DPP10: variants seen among roughly 807,000 people sequenced by gnomAD.
DPP10 encodes dipeptidyl peptidase like 10.
In DPP10, 33 loss-of-function variants were observed where a neutral mutation model predicts 120.9. The observed-to-expected ratio is 0.27, with a 90% confidence interval of 0.21 to 0.37. The LOEUF (loss-of-function observed/expected upper bound fraction) is 0.37. Among genes scored for constraint, DPP10 ranks in the 10% least tolerant of loss-of-function variants. DPP10 has a pLI of 1.00. For synonymous variants in DPP10, 337 were observed against 326.1 expected, an observed-to-expected ratio of 1.03 and a Z score of -0.36; for missense variants, 816 against 942.8, an observed-to-expected ratio of 0.87 and a Z score of 1.76.
intron 3 of DPP10, among the ~76,000 whole-genome samples, chr2:115,349,616 G>T (rs1440437362): frequency 5.9e-5 from 9 of 151,968 alleles, no homozygotes; most frequent in Non-Finnish European, 7.4e-5. Flanking sequence ...ATATATGCAG[G>T]ATATTGAAGA....
At chr2:115,181,987 A>T (rs956479256) in intron 1 of DPP10, among the ~76,000 whole-genome samples, 1 of 152,250 alleles carries the variant, frequency 6.6e-6, no homozygotes, top group African/African-American at 2.4e-5. Context: ...GACAAGTTAT[A>T]ATTTATAGAA....
intron 1 of DPP10, among the ~76,000 whole-genome samples, chr2:114,462,873 CT>C (rs1679047120): frequency 6.6e-6 from 1 of 152,168 alleles, no homozygotes; most frequent in Non-Finnish European, 1.5e-5. Flanking sequence ...CCCCTGTTGA[CT>C]TTATTCAATC....
rs191119030 is a variant in DPP10 at position 115,771,372 on chromosome 2, C to A, written c.1221+2968C>A. 6.0e-3 allele frequency among the ~76,000 whole-genome samples: 919 copies of A among 152,164 alleles called. 21 individuals carry two copies. Among genetic ancestry groups the A allele is most frequent in the African/African-American group, 0.021 (881 of 41,524 alleles). On this transcript the variant is annotated intron_variant, in intron 13 of 25. Coordinates refer to ENST00000410059, the MANE Select transcript of DPP10 (RefSeq NM_020868.6). ...TACAGGCATAAGCCACCACGCCCGG[C>A]CTGTACTGTATTTAAATGATCCAAG...
chr2:115,412,744 T>C (rs2069054572), intron 3 of DPP10, among the ~76,000 whole-genome samples: 1 of 152,198 alleles, frequency 6.6e-6, no homozygotes, highest in Non-Finnish European at 1.5e-5. Flanking sequence ...CTTCACACAT[T>C]GTTTTTTAGA....
At chr2:115,619,003 C>T (rs2084734032) in intron 5 of DPP10, among the ~76,000 whole-genome samples, 1 of 150,478 alleles carries the variant, frequency 6.6e-6, no homozygotes, top group Non-Finnish European at 1.5e-5. Flanking sequence ...ATTCTTTGAA[C>T]TTCAGCTCAG....
intron 1 of DPP10, among the ~76,000 whole-genome samples, chr2:114,479,248 A>G (rs1015649547): frequency 6.6e-6 from 1 of 152,158 alleles, no homozygotes; most frequent in Non-Finnish European, 1.5e-5. Flanking sequence ...GCTTATTCTC[A>G]AATTTATATA....
At chr2:114,626,622 GT>G (rs1364872460) in intron 1 of DPP10, among the ~76,000 whole-genome samples, 2 of 152,034 alleles carry the variant, frequency 1.3e-5, no homozygotes, top group Non-Finnish European at 2.9e-5. Context: ...AGCAGATCTA[GT>G]TTGAGAATGA....
At chr2:114,963,880 G>T (rs958235163) in intron 1 of DPP10, among the ~76,000 whole-genome samples, 3 of 152,186 alleles carry the variant, frequency 2.0e-5, no homozygotes, top group Admixed American at 6.5e-5. Context: ...TAGAAGAGGA[G>T]TTTTCCAAGG....
At chr2:114,596,800 C>T (rs1412462534) in intron 1 of DPP10, among the ~76,000 whole-genome samples, 2 of 151,960 alleles carry the variant, frequency 1.3e-5, no homozygotes, top group Non-Finnish European at 2.9e-5. Flanking sequence ...TACAAATATG[C>T]CAAACTACCA....
chr2:115,220,039 T>G (rs2057055044), intron 1 of DPP10, among the ~76,000 whole-genome samples: 1 of 152,176 alleles, frequency 6.6e-6, no homozygotes, highest in Admixed American at 6.6e-5. Flanking sequence ...CTGTGATCTT[T>G]ATAAGGGTCA....
At chr2:115,672,680 C>CTCTTTT (rs2089983611) in intron 5 of DPP10, among the ~76,000 whole-genome samples, 1 of 113,264 alleles carries the variant, frequency 8.8e-6, no homozygotes, top group East Asian at 2.5e-4. Context: ...CTCTTTCTTT[C>CTCTTTT]TCTTTCTTTC....
intron 5 of DPP10, among the ~76,000 whole-genome samples, chr2:115,573,177 T>C (rs2081437768): frequency 6.6e-6 from 1 of 152,066 alleles, no homozygotes; most frequent in African/African-American, 2.4e-5. Flanking sequence ...TATAGTCATG[T>C]TATTGAACAG....
chr2:115,351,135 G>A (rs1245485017), intron 3 of DPP10, among the ~76,000 whole-genome samples: 1 of 152,056 alleles, frequency 6.6e-6, no homozygotes, highest in Non-Finnish European at 1.5e-5. Context: ...GCCCCAAAAT[G>A]TAGGAGCGGA....
intron 3 of DPP10, among the ~76,000 whole-genome samples, chr2:115,448,557 C>T (rs1318711471): frequency 6.6e-6 from 1 of 151,980 alleles, no homozygotes. Context: ...GTTTGTAAAA[C>T]TTGCTATATA....
chr2:115,500,673 T>C (rs1417056086), intron 4 of DPP10, among the ~76,000 whole-genome samples: 2 of 151,916 alleles, frequency 1.3e-5, no homozygotes, highest in East Asian at 3.9e-4. Context: ...AATAATGACA[T>C]TTTTGGTTTT....
rs576623092 is a variant in DPP10, at chr2:115,681,891, C to G, written c.442-7796C>G. 1.3e-4 allele frequency among the ~76,000 whole-genome samples: 20 copies of G among 151,226 alleles called. No homozygotes were observed. In the South Asian group the frequency reaches 4.2e-3, roughly 32 times the overall value. On this transcript the variant is annotated intron_variant, in intron 5 of 25. Coordinates refer to ENST00000410059, the MANE Select transcript of DPP10 (RefSeq NM_020868.6). ...AGGAAAACACAAGCTAAGATTTGATCCTATTGAAATGAAGACAACCTTTTC... is the reference window on the plus strand; with the variant it reads ...AGGAAAACACAAGCTAAGATTTGATGCTATTGAAATGAAGACAACCTTTTC...
chr2:115,800,956 T>C (rs554322135), intron 19 of DPP10, among the ~76,000 whole-genome samples: 4 of 152,266 alleles, frequency 2.6e-5, no homozygotes, highest in African/African-American at 9.6e-5. Context: ...AAGTAGTTTT[T>C]TCCAATTCTG....
chr2:115,593,419 C>T (rs1380142519), intron 5 of DPP10, among the ~76,000 whole-genome samples: 3 of 152,166 alleles, frequency 2.0e-5, no homozygotes, highest in African/African-American at 7.2e-5. Flanking sequence ...GAGAAATCCA[C>T]ACATCAGCAG....
intron 5 of DPP10, among the ~76,000 whole-genome samples, chr2:115,536,648 A>G (rs1470406353): frequency 2.0e-5 from 3 of 152,036 alleles, no homozygotes; most frequent in African/African-American, 7.2e-5. Flanking sequence ...CTTTTGGTTT[A>G]TGATGCTATT....
Sources: gnomAD v4.1 joint callset for allele counts (sites outside exome capture counted in the v4.1 genomes callset) on GRCh38, gnomAD v4.1.1 for gene constraint, MANE v1.5 for transcripts, NCBI Gene and HGNC (gene_info 2026-07-23, HGNC 2026-07-21) for gene names.